The following HS3ST4 variants were observed in gnomAD, a reference collection of about 807,000 sequenced individuals.
The protein encoded by HS3ST4 is heparan sulfate glucosamine 3-O-sulfotransferase 4.
Under a neutral mutation model 29.2 loss-of-function variants are expected in HS3ST4, and 17 were observed. That is an observed-to-expected ratio of 0.58 (90% confidence interval 0.40 to 0.87). The LOEUF (loss-of-function observed/expected upper bound fraction) is 0.87. Among genes scored for constraint, HS3ST4 ranks in the 40% least tolerant of loss-of-function variants. HS3ST4 has a pLI of 0.00. For missense variants in HS3ST4, 627 were observed against 634.5 expected (o/e 0.99, Z 0.13); for synonymous variants, 314 against 285.7 (o/e 1.10, Z -1.00).
At chr16:25,735,610 C>T (rs1441462078) in intron 1 of HS3ST4, among the ~76,000 whole-genome samples, 7 of 152,088 alleles carry the variant, frequency 4.6e-5, no homozygotes, top group South Asian at 2.1e-4. Flanking sequence ...AGTCTGGTCT[C>T]GAACTCTTGG....
At chr16:25,695,195 T>A (rs1302590210) in intron 1 of HS3ST4, among the ~76,000 whole-genome samples, 3 of 152,188 alleles carry the variant, frequency 2.0e-5, no homozygotes, top group Non-Finnish European at 4.4e-5. Context: ...ACAGAACTGT[T>A]AAAGTGAAGA....
chr16:25,842,266 G>A (rs1469497520), intron 1 of HS3ST4, among the ~76,000 whole-genome samples: 1 of 152,160 alleles, frequency 6.6e-6, no homozygotes, highest in Non-Finnish European at 1.5e-5. Context: ...CTTCCAGGTC[G>A]AGAGAAATAC....
chr16:25,962,277 C>T (rs1318034289), intron 1 of HS3ST4, among the ~76,000 whole-genome samples: 1 of 151,946 alleles, frequency 6.6e-6, no homozygotes, highest in African/African-American at 2.4e-5. Context: ...ATCAGGAAAT[C>T]CATCTTGAAA....
chr16:25,998,763 C>T (rs982580223), intron 1 of HS3ST4, among the ~76,000 whole-genome samples: 1 of 151,874 alleles, frequency 6.6e-6, no homozygotes, highest in Non-Finnish European at 1.5e-5. Flanking sequence ...TCCTTACTTC[C>T]TGGGATGAAT....
At chr16:25,814,487 CA>C (rs1187376312) in intron 1 of HS3ST4, among the ~76,000 whole-genome samples, 1 of 152,088 alleles carries the variant, frequency 6.6e-6, no homozygotes, top group African/African-American at 2.4e-5. Context: ...GCTGGGATTA[CA>C]GGTGCACACC....
intron 1 of HS3ST4, among the ~76,000 whole-genome samples, chr16:25,986,775 G>A (rs1969067988): frequency 6.6e-6 from 1 of 152,218 alleles, no homozygotes; most frequent in Admixed American, 6.5e-5. Context: ...TTCTCAAAGG[G>A]AGGCATGGTG....
intron 1 of HS3ST4, among the ~76,000 whole-genome samples, chr16:26,029,936 T>C (rs1160446977): frequency 6.6e-6 from 1 of 152,156 alleles, no homozygotes; most frequent in Non-Finnish European, 1.5e-5. Context: ...CACTGACCTC[T>C]TTGCTGAAAA....
intron 1 of HS3ST4, among the ~76,000 whole-genome samples, chr16:25,709,775 C>A (rs556285895): frequency 6.6e-6 from 1 of 152,114 alleles, no homozygotes; most frequent in Non-Finnish European, 1.5e-5. Context: ...TGTGTTCAAT[C>A]CTGAAAAAAG....
At chr16:26,116,347 T>A (rs1204695813) in intron 1 of HS3ST4, among the ~76,000 whole-genome samples, 1 of 152,208 alleles carries the variant, frequency 6.6e-6, no homozygotes, top group East Asian at 1.9e-4. Context: ...GCAATTACGT[T>A]GTATTACCAT....
intron 1 of HS3ST4, among the ~76,000 whole-genome samples, chr16:26,119,806 A>G (rs2141809160): frequency 6.6e-6 from 1 of 152,342 alleles, no homozygotes; most frequent in East Asian, 1.9e-4. Context: ...AGAAAAGTGC[A>G]AAATCATCTC....
intron 1 of HS3ST4, among the ~76,000 whole-genome samples, chr16:26,030,732 A>T (rs987497103): frequency 6.6e-6 from 1 of 152,188 alleles, no homozygotes; most frequent in African/African-American, 2.4e-5. Flanking sequence ...TGGAAATGGT[A>T]TCATTTCATA....
intron 1 of HS3ST4, among the ~76,000 whole-genome samples, chr16:26,105,303 CGTA>C (rs1403162979): frequency 6.6e-6 from 1 of 151,916 alleles, no homozygotes; most frequent in Non-Finnish European, 1.5e-5. Flanking sequence ...ATTGAGTAAA[CGTA>C]GTCATAAAAA....
intron 1 of HS3ST4, among the ~76,000 whole-genome samples, chr16:25,814,456 C>T (rs1967072705): frequency 6.6e-6 from 1 of 152,092 alleles, no homozygotes; most frequent in Non-Finnish European, 1.5e-5. Context: ...AAGCCATTCT[C>T]CTGCCTCAGC....
chr16:26,121,443 T>C (rs1219883617), intron 1 of HS3ST4, among the ~76,000 whole-genome samples: 1 of 152,186 alleles, frequency 6.6e-6, no homozygotes, highest in Non-Finnish European at 1.5e-5. Flanking sequence ...GTAGTGTCTT[T>C]ATTGCTCTGA....
chr16:25,726,282 A>G (rs955624199), intron 1 of HS3ST4, among the ~76,000 whole-genome samples: 3 of 152,226 alleles, frequency 2.0e-5, no homozygotes, highest in Non-Finnish European at 2.9e-5. Flanking sequence ...AAAACATTGC[A>G]GTGAACAAGT....
intron 1 of HS3ST4, among the ~76,000 whole-genome samples, chr16:26,019,262 C>T (rs1235562395): frequency 6.6e-6 from 1 of 152,044 alleles, no homozygotes; most frequent in African/African-American, 2.4e-5. Flanking sequence ...GCAGCATTGA[C>T]TTATAAGGAA....
chr16:25,969,358 T>A (rs1300641063), intron 1 of HS3ST4, among the ~76,000 whole-genome samples: 1 of 152,222 alleles, frequency 6.6e-6, no homozygotes, highest in East Asian at 1.9e-4. Context: ...TTTTCTCAGA[T>A]CCTGGCCACG....
At chr16:25,866,828 A>T (rs1273537773) in intron 1 of HS3ST4, among the ~76,000 whole-genome samples, 2 of 152,070 alleles carry the variant, frequency 1.3e-5, no homozygotes, top group Admixed American at 6.5e-5. Context: ...AAAATAAATT[A>T]AAAAACAGAA....
At chr16:26,094,018 C>T (rs4542668) in intron 1 of HS3ST4, among the ~76,000 whole-genome samples, 92,192 of 151,898 alleles carry the variant, frequency 0.61, 28,680 homozygotes, top group African/African-American at 0.72. Flanking sequence ...GTATCAGTGA[C>T]TGAAGATCAA....
Sources: gnomAD v4.1 joint callset for allele counts (sites outside exome capture counted in the v4.1 genomes callset) on GRCh38, gnomAD v4.1.1 for gene constraint, MANE v1.5 for transcripts, NCBI Gene and HGNC (gene_info 2026-07-23, HGNC 2026-07-21) for gene names.